IRAG2: variants seen among roughly 807,000 people sequenced by gnomAD.
The protein encoded by IRAG2 is inositol 1,4,5-triphosphate receptor associated 2.
IRAG2 carries 45 observed loss-of-function variants against 69.9 expected under a neutral mutation model. That is an observed-to-expected ratio of 0.64 (90% CI 0.51 to 0.83). The LOEUF (loss-of-function observed/expected upper bound fraction) is 0.83, where lower values mean the gene tolerates loss of function less well. IRAG2 is among the 40% of genes least tolerant of loss of function. The probability of loss-of-function intolerance (pLI) is 0.00; values close to 1 mark genes in which losing one functional copy is unlikely to be tolerated. For missense variants in IRAG2, 520 were observed against 587.0 expected (o/e 0.89, Z 1.18); for synonymous variants, 193 against 202.4 (o/e 0.95, Z 0.40).
In IRAG2 at chr12:25,009,804, GGAA is replaced by G. The variant is rs890497198; in HGVS notation, c.689-1539_689-1537del. ...ACATTTCAATTCAAGTCTAGAAGCA[GGAA>G]AAAAAAAAAAATCAATGTCCCAGTT... On this transcript the variant is annotated intron_variant, in intron 2 of 38. Coordinates refer to the IRAG2 transcript ENST00000636465. Among the ~76,000 whole-genome samples the G allele has an allele frequency of 3.5e-4, 4 of 11,332 alleles. No homozygotes were observed. In the Admixed American group the frequency reaches 6.7e-3, roughly 19 times the overall value. The allele number at this position is 11,332 out of a possible 152,430, so 7.4% of individuals were successfully genotyped here.
At chr12:25,080,355 C>CTTTT (rs558659761) in intron 9 of IRAG2, among the ~76,000 whole-genome samples, 3 of 141,064 alleles carry the variant, frequency 2.1e-5, no homozygotes, top group African/African-American at 7.9e-5. Flanking sequence ...TTTCTTTTAT[C>CTTTT]TTTTTTTTTT....
At chr12:25,058,124 T>C (rs765075071) in intron 1 of IRAG2, among the ~76,000 whole-genome samples, 25 of 152,228 alleles carry the variant, frequency 1.6e-4, no homozygotes, top group Non-Finnish European at 3.4e-4. Context: ...GGAGTAGAAC[T>C]GTTAGGACAT....
intron 15 of IRAG2, among the ~76,000 whole-genome samples, chr12:25,098,953 T>A (rs769650099): frequency 1.6e-4 from 25 of 152,164 alleles, no homozygotes; most frequent in Non-Finnish European, 3.1e-4. Flanking sequence ...CTTTCCTCAC[T>A]TAGCTTCCAG....
chr12:25,036,885 A>G (rs928410646), intron 15 of IRAG2, among the ~76,000 whole-genome samples: 1 of 152,136 alleles, frequency 6.6e-6, no homozygotes, highest in Non-Finnish European at 1.5e-5. Flanking sequence ...GAGTGTGCAG[A>G]TATGTGAGAT....
At chr12:25,104,292 T>C (rs746850777) in intron 19 of IRAG2, 69 bp from the exon 20 acceptor site, 66 of 1,082,210 alleles carry the variant, frequency 6.1e-5, no homozygotes, top group Middle Eastern at 2.0e-4. Flanking sequence ...ACTTAAGCAG[T>C]AGGAAATAAA....
intron 9 of IRAG2, among the ~76,000 whole-genome samples, chr12:25,082,341 A>T (rs557312296): frequency 5.6e-4 from 86 of 152,232 alleles, no homozygotes; most frequent in African/African-American, 2.0e-3. Flanking sequence ...GCACATGCCT[A>T]TAATTCCAGC....
chr12:25,096,813 G>T, intron 14 of IRAG2, 97 bp from the exon 15 acceptor site: 1 of 844,794 alleles, frequency 1.2e-6, no homozygotes, highest in South Asian at 2.0e-5. Flanking sequence ...AAATAATTGA[G>T]ATTAGAATGT....
intron 6 of IRAG2, among the ~76,000 whole-genome samples, chr12:25,072,204 CAAAAGAAAAA>C (rs1360064295): frequency 1.9e-4 from 28 of 148,720 alleles, no homozygotes; most frequent in African/African-American, 6.9e-4. Context: ...AACTCCATCT[CAAAAGAAAAA>C]AAAAGAAAGA....
chr12:25,069,957 C>T (rs185891060), intron 6 of IRAG2, among the ~76,000 whole-genome samples: 25 of 152,090 alleles, frequency 1.6e-4, no homozygotes, highest in Non-Finnish European at 3.1e-4. Flanking sequence ...CTGAGAAGGT[C>T]ACTTAGGTCA....
intron 4 of IRAG2, among the ~76,000 whole-genome samples, chr12:25,064,040 C>T (rs11047798): frequency 0.066 from 10,070 of 152,206 alleles, 364 homozygotes; most frequent in Middle Eastern, 0.14. Context: ...GGGGCTCATG[C>T]CTATAATCCC....
intron 9 of IRAG2, among the ~76,000 whole-genome samples, chr12:25,080,314 A>C (rs971823022): frequency 6.7e-6 from 1 of 149,114 alleles, no homozygotes; most frequent in Admixed American, 6.6e-5. Context: ...AATTCCCATA[A>C]AAAAAAATCA....
intron 2 of IRAG2, among the ~76,000 whole-genome samples, chr12:25,010,329 T>C (rs113606022): frequency 0.016 from 2,465 of 152,156 alleles, 79 homozygotes; most frequent in African/African-American, 0.057. Flanking sequence ...ATACAAAAAT[T>C]AGCTGGGTGT....
At chr12:25,013,737 CAT>C (rs201412780) in intron 3 of IRAG2, among the ~76,000 whole-genome samples, 4,808 of 151,388 alleles carry the variant, frequency 0.032, 156 homozygotes, top group African/African-American at 0.083. Context: ...ATAAATAGGT[CAT>C]AGATCTATTC....
chr12:25,050,385 C>T (rs1418245820), upstream of IRAG2, among the ~76,000 whole-genome samples: 11 of 151,590 alleles, frequency 7.3e-5, no homozygotes, highest in African/African-American at 1.9e-4. Flanking sequence ...AAAAATTAGC[C>T]GGGCATGGTG....
chr12:25,101,346 T>C, intron 16 of IRAG2, 21 bp downstream of exon 16: 2 of 1,549,606 alleles, frequency 1.3e-6, no homozygotes, highest in Non-Finnish European at 1.8e-6. Flanking sequence ...TTTATGATAA[T>C]AGTATTAGTT....
intron 1 of IRAG2, among the ~76,000 whole-genome samples, chr12:25,054,502 C>A (rs1357364240): frequency 6.6e-6 from 1 of 152,134 alleles, no homozygotes; most frequent in African/African-American, 2.4e-5. Context: ...ATAACTTACC[C>A]CAAAGTGCAC....
chr12:25,033,704 C>G (rs1226473213), intron 12 of IRAG2: 4 of 390,206 alleles, frequency 1.0e-5, no homozygotes, highest in Non-Finnish European at 1.8e-5. Context: ...AATTTCTGAT[C>G]ACTCTCCCTA....
Position 25,079,661 on chromosome 12 carries a change from G to A in IRAG2, c.142G>A (p.Gly48Arg). 4 of 1,604,600 alleles carry A rather than the reference G, an allele frequency of 2.5e-6. No individual in the cohort carries two copies. Among genetic ancestry groups the A allele is most frequent in the Non-Finnish European group, 3.4e-6 (4 of 1,171,468 alleles). ...TTTGTTTCTCCTGTTGACAGATCCT[G>A]GATTAGAAATTCTGAATATGGCTTC... ...TDGTITSSDP[G>R]LEILNMASCD... The change falls in exon 9 of 22, where the codon GGA becomes AGA. Residue 48 changes from glycine (G) to arginine (R), a missense_variant. By Grantham distance (125) the Gly-to-Arg change is moderately radical. Transcript: ENST00000556887.
intron 21 of IRAG2, 93 bp downstream of exon 21, chr12:25,107,143 A>AGACAT: frequency 1.8e-6 from 1 of 540,910 alleles, no homozygotes; most frequent in Middle Eastern, 3.2e-4. Context: ...AATTACTAAA[A>AGACAT]GACATGCCAA....
Sources: gnomAD v4.1 joint callset for allele counts (sites outside exome capture counted in the v4.1 genomes callset) on GRCh38, gnomAD v4.1.1 for gene constraint, MANE v1.5 for transcripts, NCBI Gene and HGNC (gene_info 2026-07-23, HGNC 2026-07-21) for gene names.